The following SYT2 variants were observed in gnomAD, a reference collection of about 807,000 sequenced individuals.
SYT2 encodes the protein synaptotagmin 2.
A neutral mutation model predicts 39.9 loss-of-function variants in SYT2; 15 were observed. The ratio of observed to expected loss-of-function variants is 0.38; its 90% CI spans 0.25 to 0.58. The LOEUF (loss-of-function observed/expected upper bound fraction) is 0.58. Among genes scored for constraint, SYT2 ranks in the 20% least tolerant of loss-of-function variants. The pLI, the probability that SYT2 is intolerant of heterozygous loss-of-function variation, is 0.70. For synonymous variants in SYT2, 181 were observed against 204.5 expected (o/e 0.89, Z 0.98); for missense variants, 389 against 530.3 (o/e 0.73, Z 2.62).
At chr1:202,635,182 C>T (rs766649519) in intron 1 of SYT2, among the ~76,000 whole-genome samples, 1 of 152,098 alleles carries the variant, frequency 6.6e-6, no homozygotes, top group African/African-American at 2.4e-5. Flanking sequence ...GCTAGGAGGC[C>T]GCAGAACCTG....
At chr1:202,637,255 G>T (rs1159563525) in intron 1 of SYT2, among the ~76,000 whole-genome samples, 7 of 151,714 alleles carry the variant, frequency 4.6e-5, no homozygotes, top group Non-Finnish European at 7.4e-5. Flanking sequence ...GGATGCTGAG[G>T]TGGGAGGATC....
At chr1:202,661,325 C>A (rs1692375401) in intron 1 of SYT2, among the ~76,000 whole-genome samples, 1 of 151,852 alleles carries the variant, frequency 6.6e-6, no homozygotes, top group South Asian at 2.1e-4. Flanking sequence ...TGGGTGGCAC[C>A]TACTGGGGCC....
At chr1:202,657,236 T>G (rs1403599785) in intron 1 of SYT2, among the ~76,000 whole-genome samples, 1 of 152,090 alleles carries the variant, frequency 6.6e-6, no homozygotes, top group Non-Finnish European at 1.5e-5. Context: ...GCACAGCCAG[T>G]CCAAGCACAC....
intron 8 of SYT2, among the ~76,000 whole-genome samples, chr1:202,597,509 T>G (rs754564009): frequency 1.3e-5 from 2 of 152,120 alleles, no homozygotes; most frequent in Admixed American, 6.5e-5. Context: ...AGAGTGCATT[T>G]GGCATCTGAG....
At chr1:202,673,448 G>T (rs1653228549) in intron 1 of SYT2, among the ~76,000 whole-genome samples, 1 of 152,176 alleles carries the variant, frequency 6.6e-6, no homozygotes, top group African/African-American at 2.4e-5. Context: ...TCAATGTTCT[G>T]TGTCCATACT....
chr1:202,627,568 CTCCCCATGGG>C, intron 1 of SYT2: 7 of 985,150 alleles, frequency 7.1e-6, no homozygotes, highest in Non-Finnish European at 6.0e-6. Flanking sequence ...AGGCCCATGG[CTCCCCATGGG>C]GAAAGGAGAT....
At chr1:202,669,896 C>T (rs1411932417) in intron 1 of SYT2, among the ~76,000 whole-genome samples, 2 of 152,126 alleles carry the variant, frequency 1.3e-5, no homozygotes, top group Non-Finnish European at 2.9e-5. Context: ...TGGGCATAAC[C>T]GAGGCACTGT....
Position 202,623,156 on chromosome 1 carries a change from G to A in SYT2, c.-17-17367C>T, listed in dbSNP as rs1378698997. ...AGGCAAGCCCCTCAGCACACCCTCCGCTCTGCCACCCCAGCCAGGATCACA... is the reference window on the plus strand; with the variant it reads ...AGGCAAGCCCCTCAGCACACCCTCCACTCTGCCACCCCAGCCAGGATCACA... On this transcript the variant is annotated intron_variant, in intron 1 of 8. Transcript: ENST00000367268. The surrounding 1 kb of genome is among the most constrained non-coding windows in gnomAD (Gnocchi z 4.2). Among the ~76,000 whole-genome samples, 1 of 152,178 alleles carries A rather than the reference G, an allele frequency of 6.6e-6. No individual in the cohort carries two copies. The highest frequency in any genetic ancestry group is 1.5e-5 in the Non-Finnish European group (1 of 68,022).
At chr1:202,624,804 T>C (rs1207865936) in intron 1 of SYT2, among the ~76,000 whole-genome samples, 2 of 139,426 alleles carry the variant, frequency 1.4e-5, no homozygotes, top group East Asian at 4.7e-4. Context: ...GCATGTAGCA[T>C]GGTGTGTGTG....
At chr1:202,610,240 G>A (rs1205392826) in intron 1 of SYT2, among the ~76,000 whole-genome samples, 1 of 151,968 alleles carries the variant, frequency 6.6e-6, no homozygotes, top group South Asian at 2.1e-4. Flanking sequence ...TGTTCCATTG[G>A]TCTATATCTC....
intron 1 of SYT2, among the ~76,000 whole-genome samples, chr1:202,708,933 C>G (rs2102183730): frequency 6.6e-6 from 1 of 152,332 alleles, no homozygotes; most frequent in Non-Finnish European, 1.5e-5. Context: ...TTCTGTCACC[C>G]CCTCTAATGA....
At chr1:202,616,634 T>C (rs1011722423) in intron 1 of SYT2, among the ~76,000 whole-genome samples, 2 of 152,218 alleles carry the variant, frequency 1.3e-5, no homozygotes, top group African/African-American at 4.8e-5. Flanking sequence ...AAGTCATGGA[T>C]GATGAACACA....
In SYT2 at chr1:202,604,601, C is replaced by T. The variant is rs147177966; in HGVS notation, c.199G>A (p.Ala67Thr). 282 of 1,614,098 alleles carry T rather than the reference C, an allele frequency of 1.7e-4. No homozygotes were observed. Among genetic ancestry groups the T allele is most frequent in the Non-Finnish European group, 2.1e-4 (251 of 1,180,004 alleles). ...AGGAGCCCAGCAACCACAGCAATGG[C>T]GATCAGTGCCCAGGGTGGTACTGCC... ...KIPLPPWALI[A>T]IAVVAGLLLL... Residue 67 changes from alanine (A) to threonine (T), a missense_variant, in exon 3 of 9, where the codon GCC becomes ACC. By Grantham distance (58) the Ala-to-Thr change is moderately conservative (BLOSUM62 0). Around this residue, in one of 4 missense-constraint regions of SYT2, gnomAD observed 280 missense variants for 335.6 expected, o/e 0.83. Coordinates refer to ENST00000367268, the MANE Select transcript of SYT2 (RefSeq NM_177402.5).
At chr1:202,629,878 G>GAGGT (rs1553338298) in intron 1 of SYT2, among the ~76,000 whole-genome samples, 1 of 119,326 alleles carries the variant, frequency 8.4e-6, no homozygotes, top group Admixed American at 8.4e-5. Context: ...GGGGGGGGGG[G>GAGGT]GGTGGTACGG....
intron 1 of SYT2, among the ~76,000 whole-genome samples, chr1:202,653,469 C>A (rs1022835437): frequency 1.3e-5 from 2 of 151,868 alleles, no homozygotes; most frequent in African/African-American, 2.4e-5. Flanking sequence ...TTGGCCGTTA[C>A]CCCCACCCCC....
Position 202,682,483 on chromosome 1 carries a change from T to C in SYT2, c.-18+27775A>G, listed in dbSNP as rs190715099. On this transcript the variant is annotated intron_variant, in intron 1 of 8. Coordinates refer to ENST00000367268, the MANE Select transcript of SYT2 (RefSeq NM_177402.5). ...GCACAGGTCAGGGAGGAGATGACCA[T>C]GGTCTAAGTTAGGAAAGCTTCAAGA... is the stretch of plus-strand genomic sequence containing the variant. 9.3e-4 allele frequency among the ~76,000 whole-genome samples: 141 copies of C among 152,128 alleles called. No individual in the cohort carries two copies. In the Middle Eastern group the frequency reaches 0.017, roughly 18 times the overall value.
At chr1:202,638,120 T>G (rs1286066785) in intron 1 of SYT2, among the ~76,000 whole-genome samples, 1 of 152,206 alleles carries the variant, frequency 6.6e-6, no homozygotes, top group Non-Finnish European at 1.5e-5. Context: ...GCACCCTTTG[T>G]TAAATTGCTA....
chr1:202,662,031 A>C (rs1470667096), intron 1 of SYT2, among the ~76,000 whole-genome samples: 1 of 152,210 alleles, frequency 6.6e-6, no homozygotes, highest in Non-Finnish European at 1.5e-5. Flanking sequence ...GTGTGATCAC[A>C]ATGCAATGTA....
intron 1 of SYT2, among the ~76,000 whole-genome samples, chr1:202,690,169 C>T (rs1653782694): frequency 6.6e-6 from 1 of 152,148 alleles, no homozygotes. Context: ...CACCCACCCA[C>T]GGTCCTACTG....
Sources: allele counts gnomAD v4.1 joint callset (sites outside exome capture counted in the v4.1 genomes callset), GRCh38; gene constraint gnomAD v4.1.1; regional missense constraint gnomAD v4.1.1; non-coding constraint Gnocchi (gnomAD v3.1); transcripts MANE v1.5; gene names NCBI Gene and HGNC (gene_info 2026-07-23, HGNC 2026-07-21).